ADAM18: variants seen among roughly 807,000 people sequenced by gnomAD.
ADAM18 encodes the protein ADAM metallopeptidase domain 18, also known as disintegrin and metalloproteinase domain-containing protein 18.
A neutral mutation model predicts 94.4 loss-of-function variants in ADAM18; 117 were observed. That is an observed-to-expected ratio of 1.24 (90% CI 1.07 to 1.45). ADAM18 has a LOEUF of 1.45. Ranked by LOEUF, ADAM18 falls within the 40% of genes most tolerant of loss-of-function variation. The probability of loss-of-function intolerance (pLI) is 0.00; values close to 1 mark genes in which losing one functional copy is unlikely to be tolerated. For synonymous variants in ADAM18, 327 were observed against 291.6 expected, an observed-to-expected ratio of 1.12 and a Z score of -1.24; for missense variants, 936 against 880.0, an observed-to-expected ratio of 1.06 and a Z score of -0.81.
At chr8:39,598,783 C>A (rs75424713) in intron 2 of ADAM18, among the ~76,000 whole-genome samples, 7 of 143,480 alleles carry the variant, frequency 4.9e-5, no homozygotes, top group East Asian at 2.0e-4. Context: ...AAAAAAAAAA[C>A]AACAAAAAAA....
intron 18 of ADAM18, among the ~76,000 whole-genome samples, chr8:39,709,404 G>A (rs994433713): frequency 1.3e-5 from 2 of 152,156 alleles, no homozygotes; most frequent in Admixed American, 1.3e-4. Flanking sequence ...ACAGGATGGG[G>A]GTGGAATAGG....
intron 12 of ADAM18, among the ~76,000 whole-genome samples, chr8:39,657,644 A>AAAAG (rs1820725204): frequency 6.6e-6 from 1 of 152,192 alleles, no homozygotes; most frequent in Non-Finnish European, 1.5e-5. Context: ...TAAAGGGAAC[A>AAAAG]TCTCAAGACT....
chr8:39,723,765 A>G lies in ADAM18; in HGVS notation c.2035A>G (p.Lys679Glu). ...ATTTCTAGGTGACTTTTATACTGAA[A>G]AAGGCTACAATACACACTGGAACAA... ...FQKSGDFYTE[K>E]GYNTHWNNWF... is the part of the protein sequence containing the mutation. Residue 679 changes from lysine (K) to glutamate (E), a missense_variant, in exon 19 of 20, where the codon AAA becomes GAA. Coordinates refer to ENST00000265707, the MANE Select transcript of ADAM18 (RefSeq NM_014237.3). 1 of 1,523,636 alleles carries G rather than the reference A, an allele frequency of 6.6e-7. No homozygotes were observed. The highest frequency in any genetic ancestry group is 8.8e-7 in the Non-Finnish European group (1 of 1,140,666). The allele number at this position is 1,523,636 out of a possible 1,614,324, so 94.4% of individuals were successfully genotyped here. A position where few individuals can be genotyped will look rare whatever the true frequency, so the allele number is the denominator to read the frequency against.
intron 4 of ADAM18, 103 bp downstream of exon 4, chr8:39,609,223 C>A: frequency 1.2e-6 from 1 of 868,316 alleles, no homozygotes; most frequent in Non-Finnish European, 1.8e-6. Flanking sequence ...TCCTTACTGA[C>A]ATGTTACTGA....
chr8:39,588,881 C>T lies in ADAM18; in HGVS notation c.132+3529C>T, dbSNP rs1013267514. Reference sequence around the variant, plus strand: ...GGAATTTGGGGGAAGTTTTAGGATGCGTGCCTTTGTTCTGGTTTAGATATG... The same window carrying T: ...GGAATTTGGGGGAAGTTTTAGGATGTGTGCCTTTGTTCTGGTTTAGATATG... On this transcript the variant is annotated intron_variant, in intron 2 of 19. Transcript: ENST00000265707. Among the ~76,000 whole-genome samples, 63 of 152,040 alleles carry T rather than the reference C, an allele frequency of 4.1e-4. 1 individual carries two copies. Among genetic ancestry groups the T allele is most frequent in the Non-Finnish European group, 4.4e-5 (3 of 68,000 alleles).
rs1378604781 is a variant in ADAM18 at position 39,706,790 on chromosome 8, A to G, written c.1903A>G (p.Ile635Val). 1 of 1,560,114 alleles carries G rather than the reference A, an allele frequency of 6.4e-7. No homozygotes were observed. The highest frequency in any genetic ancestry group is 1.4e-5 in the African/African-American group (1 of 73,578). Residue 635 changes from isoleucine (I) to valine (V), a missense_variant and splice_region_variant, in exon 18 of 20, where the codon ATA becomes GTA. Coordinates refer to ENST00000265707, the MANE Select transcript of ADAM18 (RefSeq NM_014237.3). ...NATTKCKGKG[I>V]CNNFGNCQCF... ...CTGTTTCTGTATTTTTCTGTTTCAGATATGTAATAATTTTGGTAATTGTCA... is the reference window on the plus strand; with the variant it reads ...CTGTTTCTGTATTTTTCTGTTTCAGGTATGTAATAATTTTGGTAATTGTCA...
chr8:39,651,710 C>A (rs1585941221), intron 12 of ADAM18, among the ~76,000 whole-genome samples: 2 of 152,278 alleles, frequency 1.3e-5, no homozygotes, highest in South Asian at 4.2e-4. Context: ...CTTATGCCTA[C>A]TTCTTTCTAC....
chr8:39,708,252 A>C (rs1051271236), intron 18 of ADAM18, among the ~76,000 whole-genome samples: 2 of 152,254 alleles, frequency 1.3e-5, no homozygotes, highest in Non-Finnish European at 2.9e-5. Context: ...AATCTTACAC[A>C]GTATTTATAA....
In ADAM18 at chr8:39,621,309, T is replaced by TCACACACA. The variant is rs55818122; in HGVS notation, c.523-8023_523-8016dup. On this transcript the variant is annotated intron_variant, in intron 6 of 19. Coordinates refer to ENST00000265707, the MANE Select transcript of ADAM18 (RefSeq NM_014237.3). Reference sequence around the variant, plus strand: ...TGACATGAACACATGCATGACAAAATCACACACACACACACACACACACAC... The same window carrying TCACACACA: ...TGACATGAACACATGCATGACAAAATCACACACACACACACACACACACACACACACAC... 3.2e-3 allele frequency among the ~76,000 whole-genome samples: 408 copies of TCACACACA among 128,894 alleles called. 2 individuals carry two copies. Among genetic ancestry groups the TCACACACA allele is most frequent in the Middle Eastern group, 7.8e-3 (2 of 258 alleles). 84.6% of individuals were successfully genotyped at this position (128,894 alleles called of 152,430 possible).
rs767193936 is a variant in ADAM18, at chr8:39,584,614, G to A, written c.-9G>A. On this transcript the variant is annotated 5_prime_UTR_variant, in exon 1 of 20. Coordinates refer to ENST00000265707, the MANE Select transcript of ADAM18 (RefSeq NM_014237.3). ...TCCTTGGCTGTGGCTCCTGCGCTCT[G>A]GCTGAGCCATGTTCCTTCTCCTCGC... 6.2e-7 allele frequency: 1 copy of A among 1,612,622 alleles called. No homozygotes were observed. The highest frequency in any genetic ancestry group is 1.1e-5 in the South Asian group (1 of 91,092).
At chr8:39,644,186 G>T (rs1489704431) in intron 10 of ADAM18, among the ~76,000 whole-genome samples, 1 of 151,946 alleles carries the variant, frequency 6.6e-6, no homozygotes, top group African/African-American at 2.4e-5. Context: ...AAAGAGCTAA[G>T]AAATATATCA....
At chr8:39,614,971 C>A (rs1166625448) in intron 6 of ADAM18, among the ~76,000 whole-genome samples, 1 of 152,078 alleles carries the variant, frequency 6.6e-6, no homozygotes, top group Admixed American at 6.6e-5. Context: ...TTCTTGGAGA[C>A]CTACAAAGAG....
At chr8:39,637,783 T>C (rs1308268476) in intron 9 of ADAM18, 80 bp downstream of exon 9, 3 of 1,340,106 alleles carry the variant, frequency 2.2e-6, no homozygotes, top group Non-Finnish European at 2.9e-6. Flanking sequence ...ATTGCGTTCT[T>C]CAGTTTTTTG....
chr8:39,637,842 T>A (rs1820128700), intron 9 of ADAM18, 139 bp downstream of exon 9: 5 of 634,924 alleles, frequency 7.9e-6, no homozygotes, highest in Non-Finnish European at 1.2e-5. Flanking sequence ...GTCATAGAGG[T>A]GCTAGTGTAC....
rs1307957555 is a variant in ADAM18 at position 39,637,305 on chromosome 8, A to C, written c.630A>C (p.Lys210Asn). 6.2e-7 allele frequency: 1 copy of C among 1,606,836 alleles called. No individual in the cohort carries two copies. The highest frequency in any genetic ancestry group is 2.2e-5 in the East Asian group (1 of 44,670). Residue 210 changes from lysine to asparagine, a missense_variant, in exon 8 of 20, where the codon AAA (lysine) becomes AAC (asparagine). Lys to Asn is a moderately conservative substitution (Grantham distance 94). Coordinates refer to ENST00000265707, the MANE Select transcript of ADAM18 (RefSeq NM_014237.3). ...CTGAAATGATGGCTGTAACACAAAA[A>C]ATTGTCCAGGTTATTGGGCTTGTCA... The part of the protein sequence containing the change: ...MGSEMMAVTQ[K>N]IVQVIGLVNT...
At chr8:39,593,800 G>A (rs1818652646) in intron 2 of ADAM18, among the ~76,000 whole-genome samples, 1 of 151,968 alleles carries the variant, frequency 6.6e-6, no homozygotes, top group South Asian at 2.1e-4. Context: ...AAATATCTTT[G>A]CATTATTTGA....
intron 18 of ADAM18, among the ~76,000 whole-genome samples, chr8:39,708,010 A>G (rs1284810240): frequency 6.6e-6 from 1 of 152,156 alleles, no homozygotes; most frequent in African/African-American, 2.4e-5. Context: ...CAAAGTGACT[A>G]ATGGACAGGT....
chr8:39,642,713 C>T (rs1026263194), intron 10 of ADAM18, among the ~76,000 whole-genome samples: 2 of 151,254 alleles, frequency 1.3e-5, no homozygotes, highest in East Asian at 3.9e-4. Flanking sequence ...GCTTTGTTTT[C>T]TTGTTGTTTT....
At chr8:39,648,585 A>T in intron 12 of ADAM18, 58 bp downstream of exon 12, 1 of 1,452,282 alleles carries the variant, frequency 6.9e-7, no homozygotes, top group Non-Finnish European at 9.4e-7. Context: ...AAAACATAAG[A>T]CATGTTTGTC....
Sources: allele counts gnomAD v4.1 joint callset (sites outside exome capture counted in the v4.1 genomes callset), GRCh38; gene constraint gnomAD v4.1.1; transcripts MANE v1.5; gene names NCBI Gene and HGNC (gene_info 2026-07-23, HGNC 2026-07-21).